Variants in DUSP1 observed in about 807,000 individuals in gnomAD.
DUSP1 encodes the protein dual specificity protein phosphatase 1.
A neutral mutation model predicts 27.4 loss-of-function variants in DUSP1; 10 were observed. The ratio of observed to expected loss-of-function variants is 0.37; its 90% CI spans 0.23 to 0.62. The LOEUF is 0.62. Among genes scored for constraint, DUSP1 ranks in the 20% least tolerant of loss-of-function variants. The probability of loss-of-function intolerance (pLI) is 0.68; values close to 1 mark genes in which losing one functional copy is unlikely to be tolerated. For synonymous variants in DUSP1, 262 were observed against 223.6 expected, an observed-to-expected ratio of 1.17 and a Z score of -1.53; for missense variants, 425 against 508.1, an observed-to-expected ratio of 0.84 and a Z score of 1.57.
chr5:172,771,121 G>T lies in DUSP1; in HGVS notation c.-169C>A. The T allele has an allele frequency of 1.1e-6, 1 of 939,622 alleles. No homozygotes were observed. The allele number at this position is 939,622 out of a possible 1,614,324, so 58.2% of individuals were successfully genotyped here. ...AGAGGAGCGTCACGCGGGGCTCCGGGCTCCTCGGCTTCTTCGCGGTTCCCC... is the reference window on the plus strand; with the variant it reads ...AGAGGAGCGTCACGCGGGGCTCCGGTCTCCTCGGCTTCTTCGCGGTTCCCC... On this transcript the variant is annotated 5_prime_UTR_variant, in exon 1 of 4. Coordinates refer to ENST00000239223, the MANE Select transcript of DUSP1 (RefSeq NM_004417.4).
rs1759852357 is a variant in DUSP1, at chr5:172,769,712, C to T, written c.596G>A (p.Gly199Asp). Reference sequence around the variant, plus strand: ...TGAGACGTTGATCAAGGCAGTGATGCCCAAGGCATCCAGCATGTCCTTGCG... The same window carrying T: ...TGAGACGTTGATCAAGGCAGTGATGTCCAAGGCATCCAGCATGTCCTTGCG... ...ASRKDMLDAL[G>D]ITALINVSAN... is the part of the protein sequence containing the mutation. Residue 199 changes from glycine to aspartate, a missense_variant, in exon 3 of 4, where the codon GGC becomes GAC. Transcript: ENST00000239223. 3.7e-6 allele frequency: 6 copies of T among 1,614,244 alleles called. No individual in the cohort carries two copies. The highest frequency in any genetic ancestry group is 1.1e-5 in the South Asian group (1 of 91,088).
rs1029400057 is a variant in DUSP1, at chr5:172,771,156, C to T, written c.-204G>A. 1.6e-5 allele frequency: 10 copies of T among 625,066 alleles called. No homozygotes were observed. Among genetic ancestry groups the T allele is most frequent in the Non-Finnish European group, 2.4e-5 (10 of 416,978 alleles). 38.7% of individuals were successfully genotyped at this position (625,066 alleles called of 1,614,324 possible). On this transcript the variant is annotated 5_prime_UTR_variant, in exon 1 of 4. Coordinates refer to ENST00000239223, the MANE Select transcript of DUSP1 (RefSeq NM_004417.4). ...TTCTTCGCGGTTCCCCCGACTGCCCCTCCGACCCGCGTCGCACACACAGCC... is the reference window on the plus strand; with the variant it reads ...TTCTTCGCGGTTCCCCCGACTGCCCTTCCGACCCGCGTCGCACACACAGCC...
chr5:172,770,037 C>T, intron 2 of DUSP1, 124 bp downstream of exon 2: 1 of 1,394,854 alleles, frequency 7.2e-7, no homozygotes, highest in Non-Finnish European at 9.6e-7. Context: ...TGGAATAAAT[C>T]ATATCCCTGT....
chr5:172,770,588 T>C lies in DUSP1; in HGVS notation c.365A>G (p.Lys122Arg), dbSNP rs777249380. ...EARAAQVFFL[K>R]GGYEAFSASC... Reference sequence around the variant, plus strand: ...CCCGAGCTTCCCCGAGGGCGTACCTTTGAGGAAGAAGACTTGCGCGGCGCG... The same window carrying C: ...CCCGAGCTTCCCCGAGGGCGTACCTCTGAGGAAGAAGACTTGCGCGGCGCG... Residue 122 changes from lysine (K) to arginine (R), a missense_variant and splice_region_variant, in exon 1 of 4, where the codon AAA becomes AGA. Transcript: ENST00000239223. 2.2e-6 allele frequency: 3 copies of C among 1,384,284 alleles called. No individual in the cohort carries two copies. The highest frequency in any genetic ancestry group is 1.9e-5 in the South Asian group (1 of 53,650). The allele number at this position is 1,384,284 out of a possible 1,614,324, so 85.8% of individuals were successfully genotyped here.
At position 172,771,097 on chromosome 5, in the gene DUSP1, G is replaced by A. The variant is rs1283774916; in HGVS notation, c.-145C>T. 8.7e-7 allele frequency: 1 copy of A among 1,146,920 alleles called. No individual in the cohort carries two copies. The highest frequency in any genetic ancestry group is 1.6e-5 in the African/African-American group (1 of 62,074). The allele number at this position is 1,146,920 out of a possible 1,614,324, so 71.0% of individuals were successfully genotyped here. On this transcript the variant is annotated 5_prime_UTR_variant, in exon 1 of 4. Coordinates refer to ENST00000239223, the MANE Select transcript of DUSP1 (RefSeq NM_004417.4). ...ACCAAAAGCCGCTTTTGGACTGAGA[G>A]AGGAGCGTCACGCGGGGCTCCGGGC...
Position 172,768,473 on chromosome 5 carries a change from A to G in DUSP1, c.*289T>C, listed in dbSNP as rs1292456976. 3 of 302,118 alleles carry G rather than the reference A, an allele frequency of 9.9e-6. No homozygotes were observed. Among genetic ancestry groups the G allele is most frequent in the African/African-American group, 2.2e-5 (1 of 46,454 alleles). 18.7% of individuals were successfully genotyped at this position (302,118 alleles called of 1,614,324 possible). On this transcript the variant is annotated 3_prime_UTR_variant, in exon 4 of 4. Coordinates refer to ENST00000239223, the MANE Select transcript of DUSP1 (RefSeq NM_004417.4). ...AGCATGAAGAGATTCTACAAAAAACAGGGGCGAGCAAAAAGAAACCGGATC... is the reference window on the plus strand; with the variant it reads ...AGCATGAAGAGATTCTACAAAAAACGGGGGCGAGCAAAAAGAAACCGGATC...
chr5:172,770,750 T>C lies in DUSP1; in HGVS notation c.203A>G (p.Asn68Ser), dbSNP rs1478757100. The C allele has an allele frequency of 3.5e-6, 5 of 1,445,132 alleles. No individual in the cohort carries two copies. The highest frequency in any genetic ancestry group is 1.3e-5 in the South Asian group (1 of 75,462). The allele number at this position is 1,445,132 out of a possible 1,614,324, so 89.5% of individuals were successfully genotyped here. ...GAMGLEHIVPNAELRGRLLAG... is the reference protein window; with the variant it reads ...GAMGLEHIVPSAELRGRLLAG... Reference sequence around the variant, plus strand: ...CAGCAGGCGGCCGCGGAGCTCGGCGTTGGGCACGATGTGCTCCAGGCCCAT... The same window carrying C: ...CAGCAGGCGGCCGCGGAGCTCGGCGCTGGGCACGATGTGCTCCAGGCCCAT... Residue 68 changes from asparagine (N) to serine (S), a missense_variant, in exon 1 of 4, where the codon AAC becomes AGC. Transcript: ENST00000239223.
chr5:172,770,919 C>G lies in DUSP1; in HGVS notation c.34G>C (p.Gly12Arg), dbSNP rs754975190. 1.3e-6 allele frequency: 2 copies of G among 1,539,628 alleles called. No individual in the cohort carries two copies. The highest frequency in any genetic ancestry group is 4.9e-5 in the East Asian group (2 of 40,828). The change falls in exon 1 of 4, where the codon GGC (glycine) becomes CGC (arginine). Residue 12 changes from glycine to arginine, a missense_variant. Physicochemically the swap from Gly to Arg is moderately radical, Grantham distance 125 (BLOSUM62 -2). Transcript: ENST00000239223. ...VMEVGTLDAG[G>R]LRALLGERAA... ...CGCTCCCCCAGCAGCGCCCGCAGGC[C>G]TCCAGCGTCCAGGGTGCCCACTTCC...
chr5:172,770,967 C>T lies in DUSP1; in HGVS notation c.-15G>A. ...TCCATGACCATGGCCGGCCTCAGCG[C>T]CCCCAGCGTGATCGGCCCTGCGGTG... On this transcript the variant is annotated 5_prime_UTR_variant, in exon 1 of 4. Coordinates refer to ENST00000239223, the MANE Select transcript of DUSP1 (RefSeq NM_004417.4). The T allele has an allele frequency of 1.4e-6, 2 of 1,463,904 alleles. No homozygotes were observed. The highest frequency in any genetic ancestry group is 1.8e-6 in the Non-Finnish European group (2 of 1,111,100). 90.7% of individuals were successfully genotyped at this position (1,463,904 alleles called of 1,614,324 possible).
chr5:172,769,425 A>G (rs1003984688), intron 3 of DUSP1, 150 bp downstream of exon 3: 5 of 940,368 alleles, frequency 5.3e-6, no homozygotes, highest in South Asian at 3.4e-5. Flanking sequence ...AATCAAATTC[A>G]TATTTTACAG....
rs1759869782 is a variant in DUSP1, at chr5:172,770,440, A to G, written c.368-134T>C. On this transcript the variant is annotated intron_variant, in intron 1 of 3. Coordinates refer to ENST00000239223, the MANE Select transcript of DUSP1 (RefSeq NM_004417.4). Reference sequence around the variant, plus strand: ...GGCAAGTCTTTGTTTCCAGAGCCAAACAAAGCCAATGACAAGTTCCAGAGA... The same window carrying G: ...GGCAAGTCTTTGTTTCCAGAGCCAAGCAAAGCCAATGACAAGTTCCAGAGA... The G allele has an allele frequency of 5.2e-6, 8 of 1,537,640 alleles. No individual in the cohort carries two copies. In the East Asian group the frequency reaches 1.9e-4, roughly 37 times the overall value.
Position 172,771,138 on chromosome 5 carries a change from C to T in DUSP1, c.-186G>A. 1.3e-6 allele frequency: 1 copy of T among 792,076 alleles called. No individual in the cohort carries two copies. The highest frequency in any genetic ancestry group is 1.8e-6 in the Non-Finnish European group (1 of 570,550). The allele number at this position is 792,076 out of a possible 1,614,324, so 49.1% of individuals were successfully genotyped here. A position where few individuals can be genotyped will look rare whatever the true frequency, so the allele number is the denominator to read the frequency against. On this transcript the variant is annotated 5_prime_UTR_variant, in exon 1 of 4. Coordinates refer to ENST00000239223, the MANE Select transcript of DUSP1 (RefSeq NM_004417.4). The stretch of plus-strand genomic sequence containing the variant: ...GGCTCCGGGCTCCTCGGCTTCTTCG[C>T]GGTTCCCCCGACTGCCCCTCCGACC...
rs1450282776 is a variant in DUSP1 at position 172,770,235 on chromosome 5, G to C, written c.439C>G (p.Leu147Val). The C allele has an allele frequency of 6.2e-7, 1 of 1,610,246 alleles. No individual in the cohort carries two copies. Among genetic ancestry groups the C allele is most frequent in the Non-Finnish European group, 8.5e-7 (1 of 1,178,892 alleles). ...TCAGGGACGCTAGTACTCAGGGGAA[G>C]GCTGAGCCCCATGGGGGTCGACTGT... ...SKQSTPMGLS[L>V]PLSTSVPDSA... Residue 147 changes from leucine to valine, a missense_variant, in exon 2 of 4, where the codon CTT (leucine) becomes GTT (valine). Around this residue, in one of 3 missense-constraint regions of DUSP1, gnomAD observed 282 missense variants for 319.3 expected, o/e 0.88. Coordinates refer to ENST00000239223, the MANE Select transcript of DUSP1 (RefSeq NM_004417.4).
chr5:172,770,340 G>C, intron 1 of DUSP1, 34 bp from the exon 2 acceptor site: 2 of 1,609,392 alleles, frequency 1.2e-6, no homozygotes, highest in African/African-American at 2.7e-5. Context: ...TTCCCCATTA[G>C]TGACACCGGG....
At chr5:172,770,327 T>C (rs748026743) in intron 1 of DUSP1, 21 bp from the exon 2 acceptor site, 12 of 1,610,560 alleles carry the variant, frequency 7.5e-6, no homozygotes, top group Non-Finnish European at 1.0e-5. Context: ...AAAGACATTT[T>C]TTTTCCCCAT....
chr5:172,770,977 G>C lies in DUSP1; in HGVS notation c.-25C>G. ...TGGCCGGCCTCAGCGCCCCCAGCGTGATCGGCCCTGCGGTGCTCTTTGTCT... is the reference window on the plus strand; with the variant it reads ...TGGCCGGCCTCAGCGCCCCCAGCGTCATCGGCCCTGCGGTGCTCTTTGTCT... On this transcript the variant is annotated 5_prime_UTR_variant, in exon 1 of 4. It adds an upstream start codon to the 5' untranslated region. Coordinates refer to ENST00000239223, the MANE Select transcript of DUSP1 (RefSeq NM_004417.4). The C allele has an allele frequency of 6.9e-7, 1 of 1,453,422 alleles. No homozygotes were observed. The highest frequency in any genetic ancestry group is 9.0e-7 in the Non-Finnish European group (1 of 1,106,084). The allele number at this position is 1,453,422 out of a possible 1,614,324, so 90.0% of individuals were successfully genotyped here.
In DUSP1 at chr5:172,769,559, C is replaced by T. The variant is rs1424173088; in HGVS notation, c.733+16G>A. ...AAGAGAAAGGCAGAAAAGCCCCAGG[C>T]ATCCATTCCATTTACCTATGAAGTC... On this transcript the variant is annotated intron_variant, in intron 3 of 3. Transcript: ENST00000239223. 6.8e-6 allele frequency: 11 copies of T among 1,613,714 alleles called. No individual in the cohort carries two copies. Among genetic ancestry groups the T allele is most frequent in the Non-Finnish European group, 9.3e-6 (11 of 1,179,600 alleles).
chr5:172,770,802 T>C lies in DUSP1; in HGVS notation c.151A>G (p.Ile51Val), dbSNP rs1424198630. ...AGSVNVRFST[I>V]VRRRAKGAMG... ...GCGCCCTTGGCCCGGCGCCGCACGA[T>C]GGTGCTGAAGCGCACGTTGACAGAG... The change falls in exon 1 of 4, where the codon ATC (isoleucine) becomes GTC (valine). Residue 51 changes from isoleucine (I) to valine (V), a missense_variant. Coordinates refer to ENST00000239223, the MANE Select transcript of DUSP1 (RefSeq NM_004417.4). 6 of 1,512,886 alleles carry C rather than the reference T, an allele frequency of 4.0e-6. No homozygotes were observed. Among genetic ancestry groups the C allele is most frequent in the Non-Finnish European group, 5.3e-6 (6 of 1,136,244 alleles). The allele number at this position is 1,512,886 out of a possible 1,614,324, so 93.7% of individuals were successfully genotyped here.
At position 172,770,681 on chromosome 5, in the gene DUSP1, G is replaced by C. The variant is rs1012703295; in HGVS notation, c.272C>G (p.Ala91Gly). 1.5e-6 allele frequency: 2 copies of C among 1,355,392 alleles called. No homozygotes were observed. Among genetic ancestry groups the C allele is most frequent in the South Asian group, 3.4e-5 (2 of 58,004 alleles). 84.0% of individuals were successfully genotyped at this position (1,355,392 alleles called of 1,614,324 possible). Residue 91 changes from alanine to glycine, a missense_variant, in exon 1 of 4, where the codon GCC (alanine) becomes GGC (glycine). Coordinates refer to ENST00000239223, the MANE Select transcript of DUSP1 (RefSeq NM_004417.4). Reference sequence around the variant, plus strand: ...GTCGCGCTTGGCGCCGTCCAGGGCGGCGCTGCGCTCGTCCAGCAACACCAC... The same window carrying C: ...GTCGCGCTTGGCGCCGTCCAGGGCGCCGCTGCGCTCGTCCAGCAACACCAC... ...HAVVLLDERS[A>G]ALDGAKRDGT... is the part of the protein sequence containing the mutation.
Sources: gnomAD v4.1 joint callset for allele counts on GRCh38, gnomAD v4.1.1 for gene constraint, gnomAD v4.1.1 regional missense constraint, MANE v1.5 for transcripts, NCBI Gene and HGNC (gene_info 2026-07-23, HGNC 2026-07-21) for gene names.